THRB: variants seen among roughly 807,000 people sequenced by gnomAD.
THRB encodes the protein nuclear receptor subfamily 1 group A member 2.
A neutral mutation model predicts 47.8 loss-of-function variants in THRB; 12 were observed. That is an observed-to-expected ratio of 0.25 (90% CI 0.16 to 0.41). The LOEUF is 0.41. THRB is among the 10% of genes least tolerant of loss of function. THRB has a pLI of 1.00. For missense variants in THRB, 348 were observed against 589.2 expected (o/e 0.59, Z 4.24); for synonymous variants, 218 against 212.2 (o/e 1.03, Z -0.24).
chr3:24,340,327 CCTT>C (rs1249884124), intron 1 of THRB, among the ~76,000 whole-genome samples: 2 of 152,022 alleles, frequency 1.3e-5, no homozygotes, highest in African/African-American at 4.8e-5. Flanking sequence ...TCCTCCTTCT[CCTT>C]CTCCTCCTTC....
chr3:24,197,814 G>C (rs552090954), intron 4 of THRB, among the ~76,000 whole-genome samples: 14 of 152,332 alleles, frequency 9.2e-5, no homozygotes, highest in African/African-American at 3.4e-4. Flanking sequence ...AGATACTGTA[G>C]CATAGCCTTA....
chr3:24,288,318 TGA>T (rs952682251), intron 3 of THRB, among the ~76,000 whole-genome samples: 19 of 152,218 alleles, frequency 1.2e-4, no homozygotes, highest in Non-Finnish European at 2.8e-4. Flanking sequence ...ACCAACATTG[TGA>T]GTTTTCCACC....
At chr3:24,460,795 C>A (rs1202026491) in intron 1 of THRB, among the ~76,000 whole-genome samples, 1 of 152,168 alleles carries the variant, frequency 6.6e-6, no homozygotes, top group Admixed American at 6.5e-5. Flanking sequence ...AGATTCTGCT[C>A]CAGACAAAAC....
At chr3:24,390,725 G>C (rs1277988782) in intron 1 of THRB, among the ~76,000 whole-genome samples, 2 of 147,672 alleles carry the variant, frequency 1.4e-5, no homozygotes, top group African/African-American at 5.1e-5. Flanking sequence ...CAACACAGCT[G>C]TTTTCTTTTT....
intron 5 of THRB, among the ~76,000 whole-genome samples, chr3:24,154,908 T>C: frequency 6.6e-6 from 1 of 152,192 alleles, no homozygotes; most frequent in East Asian, 1.9e-4. Context: ...TAATCTCAGG[T>C]ATGAGAACCA....
chr3:24,453,890 A>C (rs4858618), intron 1 of THRB, among the ~76,000 whole-genome samples: 146,013 of 152,170 alleles, frequency 0.96, 70,263 homozygotes, highest in Non-Finnish European at 1. Flanking sequence ...GTGTTCTCCT[A>C]GCCCTCAAGA....
At chr3:24,259,509 T>C (rs2051699202) in intron 3 of THRB, among the ~76,000 whole-genome samples, 1 of 151,898 alleles carries the variant, frequency 6.6e-6, no homozygotes, top group Admixed American at 6.6e-5. Flanking sequence ...CCTGGGAGCA[T>C]ACGTTTTGAA....
At chr3:24,289,562 G>C (rs1259789887) in intron 3 of THRB, among the ~76,000 whole-genome samples, 1 of 151,988 alleles carries the variant, frequency 6.6e-6, no homozygotes, top group Non-Finnish European at 1.5e-5. Flanking sequence ...AGGAGGGAGG[G>C]ACCAAGAACT....
intron 1 of THRB, among the ~76,000 whole-genome samples, chr3:24,359,024 C>G (rs911994803): frequency 6.6e-6 from 1 of 152,106 alleles, no homozygotes; most frequent in Non-Finnish European, 1.5e-5. Context: ...ACCTTCTGTT[C>G]CAGTTATCTA....
chr3:24,466,856 C>A (rs936833502), intron 1 of THRB, among the ~76,000 whole-genome samples: 13 of 152,160 alleles, frequency 8.5e-5, no homozygotes, highest in Non-Finnish European at 1.5e-4. Context: ...GCTAACTGAT[C>A]AGGGTGATGG....
chr3:24,234,373 G>A (rs1260942215), intron 3 of THRB, among the ~76,000 whole-genome samples: 2 of 152,128 alleles, frequency 1.3e-5, no homozygotes, highest in African/African-American at 4.8e-5. Flanking sequence ...ATAAGTTGAT[G>A]TAAATGTGAT....
At chr3:24,459,602 T>C (rs2125634196) in intron 1 of THRB, among the ~76,000 whole-genome samples, 1 of 152,330 alleles carries the variant, frequency 6.6e-6, no homozygotes, top group African/African-American at 2.4e-5. Context: ...CGTTCCTCTT[T>C]CTCCACATCC....
intron 2 of THRB, among the ~76,000 whole-genome samples, chr3:24,308,984 C>T (rs898003902): frequency 1.1e-4 from 17 of 152,238 alleles, no homozygotes; most frequent in African/African-American, 4.1e-4. Flanking sequence ...CAAACAGAAC[C>T]TCTGCCCTTG....
intron 4 of THRB, among the ~76,000 whole-genome samples, chr3:24,216,727 G>C (rs369019269): frequency 2.0e-4 from 31 of 152,314 alleles, no homozygotes; most frequent in African/African-American, 6.5e-4. Flanking sequence ...TATCTGAGAT[G>C]CTCAAAAATG....
intron 1 of THRB, among the ~76,000 whole-genome samples, chr3:24,344,759 C>A: frequency 6.6e-6 from 1 of 151,984 alleles, no homozygotes; most frequent in Non-Finnish European, 1.5e-5. Flanking sequence ...CACTTGGATA[C>A]CTTCTATTCC....
At chr3:24,158,674 C>T (rs746188317) in intron 5 of THRB, among the ~76,000 whole-genome samples, 1 of 152,242 alleles carries the variant, frequency 6.6e-6, no homozygotes, top group Non-Finnish European at 1.5e-5. Context: ...AGGTAGTCTA[C>T]CTGCCTCGGC....
intron 1 of THRB, among the ~76,000 whole-genome samples, chr3:24,439,847 A>G (rs1577578647): frequency 6.6e-6 from 1 of 152,288 alleles, no homozygotes. Context: ...CATGATTGCA[A>G]ATCTGTTTGC....
At chr3:24,172,277 G>A (rs1019788622) in intron 5 of THRB, among the ~76,000 whole-genome samples, 3 of 152,012 alleles carry the variant, frequency 2.0e-5, no homozygotes, top group Non-Finnish European at 4.4e-5. Flanking sequence ...TCTGCTGAAG[G>A]GGAGTGTCCT....
At chr3:24,261,515 AAAAC>A (rs796896328) in intron 3 of THRB, among the ~76,000 whole-genome samples, 1,619 of 145,736 alleles carry the variant, frequency 0.011, 37 homozygotes, top group African/African-American at 0.041. Flanking sequence ...AAAAAAAAAA[AAAAC>A]CAAAAAAAAC....
Sources: allele counts gnomAD v4.1 joint callset (sites outside exome capture counted in the v4.1 genomes callset), GRCh38; gene constraint gnomAD v4.1.1; transcripts MANE v1.5; gene names NCBI Gene and HGNC (gene_info 2026-07-23, HGNC 2026-07-21).